Variants in CECR2 observed in about 807,000 individuals in gnomAD.
CECR2 encodes chromatin remodeling regulator CECR2.
CECR2 carries 30 observed loss-of-function variants against 154.5 expected under a neutral mutation model. The observed-to-expected ratio is 0.19, with a 90% confidence interval of 0.15 to 0.26. The LOEUF (loss-of-function observed/expected upper bound fraction) is 0.26. CECR2 is among the 10% of genes least tolerant of loss of function. The probability of loss-of-function intolerance (pLI) is 1.00; values close to 1 mark genes in which losing one functional copy is unlikely to be tolerated. For missense variants in CECR2, 1,743 were observed against 1,829.3 expected (o/e 0.95, Z 0.86); for synonymous variants, 725 against 683.7 (o/e 1.06, Z -0.94).
chr22:17,469,947 G>A (rs1243943371), intron 1 of CECR2, among the ~76,000 whole-genome samples: 1 of 152,076 alleles, frequency 6.6e-6, no homozygotes, highest in Non-Finnish European at 1.5e-5. Flanking sequence ...GCTATTTGAG[G>A]GCAGGGTCCT....
intron 1 of CECR2, among the ~76,000 whole-genome samples, chr22:17,460,084 A>G (rs545920510): frequency 8.5e-5 from 13 of 152,120 alleles, no homozygotes; most frequent in Admixed American, 8.5e-4. Context: ...GGACTTCTTT[A>G]TTTTTATAAC....
Position 17,492,860 on chromosome 22 carries a change from G to A in CECR2, c.222-4543G>A, listed in dbSNP as rs191862529. Reference sequence around the variant, plus strand: ...CAAGGAGATGAATGGATGAGTAAGTGAATGAATGTTCCAGGTAATCTAAAC... The same window carrying A: ...CAAGGAGATGAATGGATGAGTAAGTAAATGAATGTTCCAGGTAATCTAAAC... On this transcript the variant is annotated intron_variant, in intron 2 of 18. Coordinates refer to ENST00000262608, the MANE Select transcript of CECR2 (RefSeq NM_001290047.2). Among the ~76,000 whole-genome samples the A allele has an allele frequency of 2.4e-3, 370 of 152,332 alleles. 1 individual carries two copies. The highest frequency in any genetic ancestry group is 0.015 in the East Asian group (77 of 5,188).
rs115323070 is a variant in CECR2 at position 17,391,332 on chromosome 22, T to G, written c.126+21423T>G. 3.6e-3 allele frequency among the ~76,000 whole-genome samples: 554 copies of G among 152,340 alleles called. 3 individuals are homozygous for G. Among genetic ancestry groups the G allele is most frequent in the African/African-American group, 0.013 (520 of 41,576 alleles). On this transcript the variant is annotated intron_variant, in intron 1 of 18. Transcript: ENST00000262608. Reference sequence around the variant, plus strand: ...TTTAGGCAGGCTGAAGCCAACCCAGTTATCCTAGATGTAGGGAAACCGGGA... The same window carrying G: ...TTTAGGCAGGCTGAAGCCAACCCAGGTATCCTAGATGTAGGGAAACCGGGA...
rs560137803 is a variant in CECR2 at position 17,513,873 on chromosome 22, G to A, written c.954+1977G>A. Among the ~76,000 whole-genome samples the A allele has an allele frequency of 2.6e-5, 4 of 152,300 alleles. No individual in the cohort carries two copies. The South Asian group carries it at 6.2e-4, about 24-fold the overall frequency. On this transcript the variant is annotated intron_variant, in intron 8 of 18. Coordinates refer to ENST00000262608, the MANE Select transcript of CECR2 (RefSeq NM_001290047.2). ...CATAGCAGGCTGAATAGACTGAAAC[G>A]TCCTTCATTGCTCCAAGCAAAACTT...
intron 1 of CECR2, among the ~76,000 whole-genome samples, chr22:17,453,147 A>G (rs1047437365): frequency 3.9e-5 from 6 of 152,172 alleles, no homozygotes; most frequent in African/African-American, 1.4e-4. Context: ...TGCAGGCTAT[A>G]AAAATATGTA....
chr22:17,376,973 G>A (rs1310411327), intron 1 of CECR2, among the ~76,000 whole-genome samples: 1 of 152,152 alleles, frequency 6.6e-6, no homozygotes, highest in East Asian at 1.9e-4. Context: ...TCAGAAAGCT[G>A]GATTGTGGGC....
chr22:17,523,755 CAAAAAAAA>C (rs66963477), intron 8 of CECR2, among the ~76,000 whole-genome samples: 1 of 101,164 alleles, frequency 9.9e-6, no homozygotes, highest in East Asian at 3.2e-4. Context: ...GACTCTATCT[CAAAAAAAA>C]AAAAAAAAAA....
At chr22:17,461,738 A>G (rs555547072) in intron 1 of CECR2, among the ~76,000 whole-genome samples, 2 of 151,546 alleles carry the variant, frequency 1.3e-5, no homozygotes, top group African/African-American at 4.8e-5. Context: ...TGAAGAAACC[A>G]TGCCTATGAC....
In CECR2 at chr22:17,540,342, A is replaced by G. The variant is rs897768836; in HGVS notation, c.1496-70A>G. The G allele has an allele frequency of 4.5e-6, 6 of 1,342,394 alleles. No individual in the cohort carries two copies. In the South Asian group the frequency reaches 1.1e-4, roughly 25 times the overall value. 83.2% of individuals were successfully genotyped at this position (1,342,394 alleles called of 1,614,324 possible). The stretch of plus-strand genomic sequence containing the variant: ...CTATAGTTCTGTTTCTATAGTTTCT[A>G]TAAACTATAGTTTCTATAAACAATT... On this transcript the variant is annotated intron_variant, in intron 13 of 18. Transcript: ENST00000262608.
intron 7 of CECR2, among the ~76,000 whole-genome samples, chr22:17,507,491 A>G (rs1286664363): frequency 6.6e-6 from 1 of 152,216 alleles, no homozygotes; most frequent in Non-Finnish European, 1.5e-5. Flanking sequence ...ATCATCAGTC[A>G]TGGCACATTA....
At chr22:17,372,575 G>C (rs1374561732) in intron 1 of CECR2, among the ~76,000 whole-genome samples, 2 of 152,242 alleles carry the variant, frequency 1.3e-5, no homozygotes. Flanking sequence ...GGCTGAGGCA[G>C]GATGATCGCT....
chr22:17,408,901 C>T (rs775015971), intron 1 of CECR2, among the ~76,000 whole-genome samples: 3 of 152,182 alleles, frequency 2.0e-5, no homozygotes, highest in Non-Finnish European at 4.4e-5. Flanking sequence ...GCCCACGAAA[C>T]TTTCTGCATC....
intron 2 of CECR2, among the ~76,000 whole-genome samples, chr22:17,496,215 A>G (rs2055624556): frequency 6.6e-6 from 1 of 152,246 alleles, no homozygotes; most frequent in East Asian, 1.9e-4. Context: ...AATCAAAGAA[A>G]GGACGGGCAC....
intron 8 of CECR2, among the ~76,000 whole-genome samples, chr22:17,520,315 G>C (rs1314492058): frequency 6.6e-6 from 1 of 151,902 alleles, no homozygotes; most frequent in African/African-American, 2.4e-5. Flanking sequence ...AGATATACCT[G>C]TTTTCCTCTC....
At chr22:17,378,038 C>A (rs1373810751) in intron 1 of CECR2, among the ~76,000 whole-genome samples, 2 of 151,562 alleles carry the variant, frequency 1.3e-5, no homozygotes, top group Non-Finnish European at 2.9e-5. Context: ...GGCTGGAGTG[C>A]AGTGGCGCTA....
chr22:17,434,008 T>C (rs545959040), intron 1 of CECR2, among the ~76,000 whole-genome samples: 58 of 152,294 alleles, frequency 3.8e-4, no homozygotes, highest in African/African-American at 1.3e-3. Context: ...CATAAAACAG[T>C]TGCTAGAATA....
intron 2 of CECR2, among the ~76,000 whole-genome samples, chr22:17,488,833 T>C (rs1172020596): frequency 6.6e-6 from 1 of 152,210 alleles, no homozygotes; most frequent in Non-Finnish European, 1.5e-5. Flanking sequence ...GCGGGTCACA[T>C]GGTAAAAGTA....
At chr22:17,413,821 T>C (rs930553533) in intron 1 of CECR2, among the ~76,000 whole-genome samples, 7 of 150,036 alleles carry the variant, frequency 4.7e-5, no homozygotes, top group Non-Finnish European at 7.4e-5. Flanking sequence ...GGACTACAAG[T>C]GCCTGCCACC....
chr22:17,436,205 G>A (rs910664367), intron 1 of CECR2, among the ~76,000 whole-genome samples: 2 of 152,120 alleles, frequency 1.3e-5, no homozygotes, highest in African/African-American at 4.8e-5. Context: ...TGATCTGCCC[G>A]CCTCGGCTTC....
Sources: gnomAD v4.1 joint callset for allele counts (sites outside exome capture counted in the v4.1 genomes callset) on GRCh38, gnomAD v4.1.1 for gene constraint, MANE v1.5 for transcripts, NCBI Gene and HGNC (gene_info 2026-07-23, HGNC 2026-07-21) for gene names.